Variants in EFEMP1 observed in about 807,000 individuals in gnomAD.
The protein encoded by EFEMP1 is EGF-containing fibulin-like extracellular matrix protein 1.
Under a neutral mutation model 65.7 loss-of-function variants are expected in EFEMP1, and 18 were observed. The ratio of observed to expected loss-of-function variants is 0.27; its 90% CI spans 0.19 to 0.41. EFEMP1 has a LOEUF of 0.41. EFEMP1 is among the 10% of genes least tolerant of loss of function. The probability of loss-of-function intolerance (pLI) is 1.00; values close to 1 mark genes in which losing one functional copy is unlikely to be tolerated. For synonymous variants in EFEMP1, 237 were observed against 219.7 expected, an observed-to-expected ratio of 1.08 and a Z score of -0.70; for missense variants, 469 against 624.8, an observed-to-expected ratio of 0.75 and a Z score of 2.66.
Position 55,922,209 on chromosome 2 carries a change from G to T in EFEMP1, c.81+151C>A. ...AAGGATCAAGGGGGCAATTTACAACGAATCTTAGATATGAAGCATGAATGA... is the reference window on the plus strand; with the variant it reads ...AAGGATCAAGGGGGCAATTTACAACTAATCTTAGATATGAAGCATGAATGA... On this transcript the variant is annotated intron_variant, in intron 3 of 11. Coordinates refer to ENST00000355426, the MANE Select transcript of EFEMP1 (RefSeq NM_001039348.3). This position sits in a 1 kb window ranked among gnomAD's most constrained non-coding sequence, Gnocchi z 5.5. The T allele has an allele frequency of 2.6e-6, 2 of 760,684 alleles. No individual in the cohort carries two copies. Among genetic ancestry groups the T allele is most frequent in the Non-Finnish European group, 4.5e-6 (2 of 444,626 alleles). The allele number at this position is 760,684 out of a possible 1,614,324, so 47.1% of individuals were successfully genotyped here. A position where few individuals can be genotyped will look rare whatever the true frequency, so the allele number is the denominator to read the frequency against.
chr2:55,896,214 A>G (rs1270404304), intron 5 of EFEMP1, among the ~76,000 whole-genome samples: 2 of 152,276 alleles, frequency 1.3e-5, no homozygotes, highest in Non-Finnish European at 2.9e-5. Flanking sequence ...TAGTATTTAC[A>G]CAATTATATC....
chr2:55,904,720 T>A (rs1310421877), intron 5 of EFEMP1, among the ~76,000 whole-genome samples: 26 of 152,194 alleles, frequency 1.7e-4, no homozygotes. Flanking sequence ...TCCCACACCC[T>A]TTTTAGCCCT....
At position 55,875,145 on chromosome 2, in the gene EFEMP1, T is replaced by TTA. The variant is rs899009607; in HGVS notation, c.881-82_881-81dup. 1.4e-3 allele frequency: 655 copies of TTA among 461,130 alleles called. 3 individuals are homozygous for TTA. Among genetic ancestry groups the TTA allele is most frequent in the African/African-American group, 6.9e-3 (312 of 45,440 alleles). 28.6% of individuals were successfully genotyped at this position (461,130 alleles called of 1,614,324 possible). On this transcript the variant is annotated intron_variant, in intron 8 of 11. Coordinates refer to ENST00000355426, the MANE Select transcript of EFEMP1 (RefSeq NM_001039348.3). ...CTTTGGATATATATATATATATAAA[T>TTA]TATATATATATATAAATTATAAGAT...
At chr2:55,901,709 G>A (rs150935661) in intron 5 of EFEMP1, among the ~76,000 whole-genome samples, 1 of 152,200 alleles carries the variant, frequency 6.6e-6, no homozygotes, top group African/African-American at 2.4e-5. Context: ...GGCAGCTTCT[G>A]ACATGGCTCT....
In EFEMP1 at chr2:55,922,994, TAACAA is replaced by T. The variant is rs1670958638; in HGVS notation, c.-48-60_-48-56del. On this transcript the variant is annotated intron_variant, in intron 1 of 11. Transcript: ENST00000355426. The surrounding 1 kb of genome is among the most constrained non-coding windows in gnomAD (Gnocchi z 5.5). ...CAAGCTTTTTATTTTTTAAACAAAA[TAACAA>T]AACAAAACTCGGAGAGCAATCTTCC... 4 of 1,000,516 alleles carry T rather than the reference TAACAA, an allele frequency of 4.0e-6. No homozygotes were observed. Among genetic ancestry groups the T allele is most frequent in the African/African-American group, 3.5e-5 (2 of 57,460 alleles). 62.0% of individuals were successfully genotyped at this position (1,000,516 alleles called of 1,614,324 possible).
Position 55,877,353 on chromosome 2 carries a change from A to G in EFEMP1, c.760+393T>C, listed in dbSNP as rs929420332. The stretch of plus-strand genomic sequence containing the variant: ...CAATCTTTTAATTGTGTGCCGTGAC[A>G]TTGCATTCTGAAAGGGGAGAAGAGG... On this transcript the variant is annotated intron_variant, in intron 7 of 11. Transcript: ENST00000355426. The surrounding 1 kb of genome is among the most constrained non-coding windows in gnomAD (Gnocchi z 4.5). 8.5e-5 allele frequency among the ~76,000 whole-genome samples: 13 copies of G among 152,154 alleles called. No individual in the cohort carries two copies. Among genetic ancestry groups the G allele is most frequent in the Admixed American group, 1.3e-4 (2 of 15,254 alleles).
intron 5 of EFEMP1, among the ~76,000 whole-genome samples, chr2:55,891,827 G>C (rs1463482648): frequency 6.6e-6 from 1 of 152,080 alleles, no homozygotes; most frequent in African/African-American, 2.4e-5. Context: ...TGTTAAACTT[G>C]TGCCCAAATC....
rs554908462 is a variant in EFEMP1, at chr2:55,920,700, C to A, written c.81+1660G>T. On this transcript the variant is annotated intron_variant, in intron 3 of 11. Transcript: ENST00000355426. Reference sequence around the variant, plus strand: ...TAAGCCTAGACTGAGTTTAGCTTCACCACTTGGCTATGTAGCCCTAAGCAA... The same window carrying A: ...TAAGCCTAGACTGAGTTTAGCTTCAACACTTGGCTATGTAGCCCTAAGCAA... Among the ~76,000 whole-genome samples the A allele has an allele frequency of 3.9e-5, 6 of 152,322 alleles. No individual in the cohort carries two copies. The East Asian group carries it at 1.2e-3, about 29-fold the overall frequency.
At position 55,877,739 on chromosome 2, in the gene EFEMP1, G is replaced by A; in HGVS notation, c.760+7C>T. The A allele has an allele frequency of 6.2e-7, 1 of 1,612,792 alleles. No individual in the cohort carries two copies. Among genetic ancestry groups the A allele is most frequent in the Non-Finnish European group, 8.5e-7 (1 of 1,179,066 alleles). On this transcript the variant is annotated splice_region_variant and intron_variant, in intron 7 of 11. Coordinates refer to ENST00000355426, the MANE Select transcript of EFEMP1 (RefSeq NM_001039348.3). This position sits in a 1 kb window ranked among gnomAD's most constrained non-coding sequence, Gnocchi z 4.5. ...GACAGAAATCAGCAAGTTCTCAAAA[G>A]GCTTACCTACGCAGGTATAGTTGTT...
chr2:55,883,535 C>A lies in EFEMP1; in HGVS notation c.518-1801G>T, dbSNP rs17047297. Among the ~76,000 whole-genome samples the A allele has an allele frequency of 0.016, 2,373 of 152,250 alleles. 75 individuals are homozygous for A. The highest frequency in any genetic ancestry group is 0.054 in the African/African-American group (2,243 of 41,532). The stretch of plus-strand genomic sequence containing the variant: ...GCAGTGATAACAGTCCTGAGAGATA[C>A]GGCAATGTTAGATTCAGATGTGGCA... On this transcript the variant is annotated intron_variant, in intron 5 of 11. Coordinates refer to ENST00000355426, the MANE Select transcript of EFEMP1 (RefSeq NM_001039348.3). This position sits in a 1 kb window ranked among gnomAD's most constrained non-coding sequence, Gnocchi z 4.5.
At chr2:55,897,378 T>G (rs551490424) in intron 5 of EFEMP1, among the ~76,000 whole-genome samples, 18 of 102,804 alleles carry the variant, frequency 1.8e-4, no homozygotes, top group African/African-American at 8.4e-4. Flanking sequence ...TTATTCTTCC[T>G]AAATCTGATA....
intron 6 of EFEMP1, 143 bp downstream of exon 6, chr2:55,881,469 A>G (rs1481510822): frequency 9.5e-7 from 1 of 1,054,014 alleles, no homozygotes; most frequent in Non-Finnish European, 1.4e-6. Flanking sequence ...TATTGTGGAA[A>G]ATGGATTGGT....
At position 55,866,724 on chromosome 2, in the gene EFEMP1, T is replaced by A. The variant is rs1294065580; in HGVS notation, c.*349A>T. ...TATGATGGCTGCCTCCTTATGAGAC[T>A]GTTAGTGGAGCTCTAGTAAGTTTCC... On this transcript the variant is annotated 3_prime_UTR_variant, in exon 12 of 12. Transcript: ENST00000355426. 6 of 246,450 alleles carry A rather than the reference T, an allele frequency of 2.4e-5. No individual in the cohort carries two copies. The highest frequency in any genetic ancestry group is 4.8e-5 in the Non-Finnish European group (6 of 125,794). 15.3% of individuals were successfully genotyped at this position (246,450 alleles called of 1,614,324 possible).
At chr2:55,909,573 AT>A (rs529387409) in intron 5 of EFEMP1, among the ~76,000 whole-genome samples, 54 of 152,248 alleles carry the variant, frequency 3.5e-4, no homozygotes, top group Middle Eastern at 3.4e-3. Context: ...TGATATTTGG[AT>A]GCTAATTTCC....
In EFEMP1 at chr2:55,877,607, A is replaced by G. The variant is rs1376594176; in HGVS notation, c.760+139T>C. On this transcript the variant is annotated intron_variant, in intron 7 of 11. Coordinates refer to ENST00000355426, the MANE Select transcript of EFEMP1 (RefSeq NM_001039348.3). The surrounding 1 kb of genome is among the most constrained non-coding windows in gnomAD (Gnocchi z 4.5). ...TGTTTTAAGACACAGATTGGTTATT[A>G]TCTTTTAAGCTTTATGATTGCTGAA... The G allele has an allele frequency of 4.4e-6, 6 of 1,359,874 alleles. No homozygotes were observed. The highest frequency in any genetic ancestry group is 1.5e-5 in the African/African-American group (1 of 68,472). The allele number at this position is 1,359,874 out of a possible 1,614,324, so 84.2% of individuals were successfully genotyped here. A position where few individuals can be genotyped will look rare whatever the true frequency, so the allele number is the denominator to read the frequency against.
In EFEMP1 at chr2:55,923,072, C is replaced by A; in HGVS notation, c.-48-133G>T. 3.8e-6 allele frequency: 2 copies of A among 521,998 alleles called. No individual in the cohort carries two copies. Among genetic ancestry groups the A allele is most frequent in the Non-Finnish European group, 4.9e-6 (2 of 404,354 alleles). 32.3% of individuals were successfully genotyped at this position (521,998 alleles called of 1,614,324 possible). A position where few individuals can be genotyped will look rare whatever the true frequency, so the allele number is the denominator to read the frequency against. ...TTCTCACATGTCTCAGAGCTTCTCACATCCCCCAGCACAAACTCTCAAAGT... is the reference window on the plus strand; with the variant it reads ...TTCTCACATGTCTCAGAGCTTCTCAAATCCCCCAGCACAAACTCTCAAAGT... On this transcript the variant is annotated intron_variant, in intron 1 of 11. Coordinates refer to ENST00000355426, the MANE Select transcript of EFEMP1 (RefSeq NM_001039348.3). This position sits in a 1 kb window ranked among gnomAD's most constrained non-coding sequence, Gnocchi z 5.3.
chr2:55,893,153 T>C (rs536624083), intron 5 of EFEMP1, among the ~76,000 whole-genome samples: 1 of 152,274 alleles, frequency 6.6e-6, no homozygotes, highest in South Asian at 2.1e-4. Flanking sequence ...CGAATCTCTT[T>C]TCATGAGTTT....
intron 6 of EFEMP1, among the ~76,000 whole-genome samples, chr2:55,879,386 A>G (rs935306878): frequency 9.9e-5 from 15 of 152,198 alleles, no homozygotes; most frequent in African/African-American, 3.1e-4. Context: ...GAATGGTATT[A>G]TACTTTCTAA....
Position 55,867,267 on chromosome 2 carries a change from A to G in EFEMP1, c.1321-33T>C, listed in dbSNP as rs1233028486. 5 of 1,608,072 alleles carry G rather than the reference A, an allele frequency of 3.1e-6. No individual in the cohort carries two copies. Among genetic ancestry groups the G allele is most frequent in the Non-Finnish European group, 4.2e-6 (5 of 1,176,702 alleles). Reference sequence around the variant, plus strand: ...AAAAGAAAATAGAGAAAGGAAGAGAATAATTTTCTTGGATTGGAGTTTCTA... The same window carrying G: ...AAAAGAAAATAGAGAAAGGAAGAGAGTAATTTTCTTGGATTGGAGTTTCTA... On this transcript the variant is annotated intron_variant, in intron 11 of 11. Coordinates refer to ENST00000355426, the MANE Select transcript of EFEMP1 (RefSeq NM_001039348.3). This position sits in a 1 kb window ranked among gnomAD's most constrained non-coding sequence, Gnocchi z 4.3.
Sources: gnomAD v4.1 joint callset for allele counts (sites outside exome capture counted in the v4.1 genomes callset) on GRCh38, gnomAD v4.1.1 for gene constraint, Gnocchi (gnomAD v3.1) non-coding constraint, MANE v1.5 for transcripts, NCBI Gene and HGNC (gene_info 2026-07-23, HGNC 2026-07-21) for gene names.